FYB1: variants seen among roughly 807,000 people sequenced by gnomAD.
FYB1 encodes FYN binding protein 1.
A neutral mutation model predicts 94.1 loss-of-function variants in FYB1; 41 were observed. The observed-to-expected ratio is 0.44, with a 90% CI of 0.34 to 0.57. The LOEUF (loss-of-function observed/expected upper bound fraction) is 0.57, where lower values mean the gene tolerates loss of function less well. Among genes scored for constraint, FYB1 ranks in the 20% least tolerant of loss-of-function variants. The pLI, the probability that FYB1 is intolerant of heterozygous loss-of-function variation, is 0.02. For missense variants in FYB1, 1,050 were observed against 976.8 expected, an observed-to-expected ratio of 1.07 and a Z score of -1.00; for synonymous variants, 367 against 353.2, an observed-to-expected ratio of 1.04 and a Z score of -0.44.
chr5:39,161,435 C>G (rs1177577413), intron 2 of FYB1, among the ~76,000 whole-genome samples: 1 of 152,248 alleles, frequency 6.6e-6, no homozygotes. Context: ...TCAAAGACAA[C>G]AGTTGTTACT....
chr5:39,194,125 C>A (rs1050909647), intron 2 of FYB1, among the ~76,000 whole-genome samples: 2 of 152,154 alleles, frequency 1.3e-5, no homozygotes, highest in African/African-American at 2.4e-5. Context: ...GGCAGAAAAG[C>A]AAATCATTTT....
At chr5:39,132,895 A>T (rs1741328444) in intron 9 of FYB1, among the ~76,000 whole-genome samples, 1 of 152,214 alleles carries the variant, frequency 6.6e-6, no homozygotes, top group Non-Finnish European at 1.5e-5. Flanking sequence ...TTGGAACTTC[A>T]TCTGGCCTCA....
chr5:39,119,703 G>A lies in FYB1; in HGVS notation c.2139-69C>T. ...ATTAAAAAGAATAGTCCATAACAGA[G>A]ACGATTCATAGCATTATATTTTTAA... is the stretch of plus-strand genomic sequence containing the variant. On this transcript the variant is annotated intron_variant, in intron 14 of 18. Coordinates refer to ENST00000512982, the MANE Select transcript of FYB1 (RefSeq NM_001465.6). 9 of 1,353,434 alleles carry A rather than the reference G, an allele frequency of 6.6e-6. No individual in the cohort carries two copies. The South Asian group carries it at 1.6e-4, about 24-fold the overall frequency. The allele number at this position is 1,353,434 out of a possible 1,614,324, so 83.8% of individuals were successfully genotyped here.
chr5:39,127,571 G>A (rs1740810760), intron 11 of FYB1, among the ~76,000 whole-genome samples, 170 bp downstream of exon 11: 1 of 151,874 alleles, frequency 6.6e-6, no homozygotes, highest in African/African-American at 2.4e-5. Flanking sequence ...TTTGAAGTGT[G>A]GTGAAATTAC....
chr5:39,168,594 TTAATAATTCTAACTA>T (rs1744952729), intron 2 of FYB1, among the ~76,000 whole-genome samples: 1 of 152,218 alleles, frequency 6.6e-6, no homozygotes, highest in African/African-American at 2.4e-5. Flanking sequence ...TATACTTTGC[TTAATAATTCTAACTA>T]TAATATCAAA....
At chr5:39,221,704 A>C (rs1209050809), upstream of FYB1, among the ~76,000 whole-genome samples, 2 of 152,178 alleles carry the variant, frequency 1.3e-5, no homozygotes, top group Non-Finnish European at 2.9e-5. Context: ...CCAAAACAAA[A>C]TAAAATAATC....
At chr5:39,205,271 T>A (rs1381280614) in intron 1 of FYB1, among the ~76,000 whole-genome samples, 1 of 152,206 alleles carries the variant, frequency 6.6e-6, no homozygotes, top group Non-Finnish European at 1.5e-5. Context: ...AGGAACCAGG[T>A]GGCCTGGGTT....
chr5:39,226,398 T>TA lies in FYB1; in HGVS notation c.-27-23412dup, dbSNP rs66997439. On this transcript the variant is annotated intron_variant, in intron 1 of 1. Coordinates refer to the FYB1 transcript ENST00000510188. ...GCCTTTCACTAGCTTTCCAAACCTTTAAAAAAAAAAAAAATCAACTCTTTA... is the reference window on the plus strand; with the variant it reads ...GCCTTTCACTAGCTTTCCAAACCTTTAAAAAAAAAAAAAAATCAACTCTTTA... Among the ~76,000 whole-genome samples, 924 of 151,136 alleles carry TA rather than the reference T, an allele frequency of 6.1e-3. 8 individuals are homozygous for TA. Among genetic ancestry groups the TA allele is most frequent in the African/African-American group, 0.021 (848 of 41,184 alleles).
rs1049716104 is a variant in FYB1, at chr5:39,169,543, C to G, written c.1136-15939G>C. ...GAGTCCATCTGCTGTTTGAGGTGCTCCAGTTGAAAGACCAAGGAGGGCCAG... is the reference window on the plus strand; with the variant it reads ...GAGTCCATCTGCTGTTTGAGGTGCTGCAGTTGAAAGACCAAGGAGGGCCAG... On this transcript the variant is annotated intron_variant, in intron 2 of 18. Coordinates refer to ENST00000512982, the MANE Select transcript of FYB1 (RefSeq NM_001465.6). 1.7e-5 allele frequency: 9 copies of G among 542,864 alleles called. No individual in the cohort carries two copies. In the African/African-American group the frequency reaches 1.7e-4, roughly 10 times the overall value. The allele number at this position is 542,864 out of a possible 1,614,324, so 33.6% of individuals were successfully genotyped here.
intron 2 of FYB1, among the ~76,000 whole-genome samples, chr5:39,175,668 T>A (rs1335506657): frequency 1.3e-5 from 2 of 152,208 alleles, no homozygotes; most frequent in Non-Finnish European, 2.9e-5. Context: ...CTACCCAGTA[T>A]TCTTCCTGGC....
At position 39,107,167 on chromosome 5, in the gene FYB1, T is replaced by C. The variant is rs558037373; in HGVS notation, c.*276A>G. 8.0e-6 allele frequency: 2 copies of C among 249,702 alleles called. No homozygotes were observed. Among genetic ancestry groups the C allele is most frequent in the Non-Finnish European group, 1.5e-5 (2 of 129,604 alleles). The allele number at this position is 249,702 out of a possible 1,614,324, so 15.5% of individuals were successfully genotyped here. On this transcript the variant is annotated 3_prime_UTR_variant, in exon 19 of 19. Coordinates refer to ENST00000512982, the MANE Select transcript of FYB1 (RefSeq NM_001465.6). ...TTATTTACTGGTGGTCTAAAAGAAG[T>C]ACCTTCAACTTCTTCATAATTGTAG...
intron 1 of FYB1, 101 bp from the exon 2 acceptor site, chr5:39,203,088 C>T (rs1748526549): frequency 3.1e-6 from 3 of 969,784 alleles, no homozygotes; most frequent in African/African-American, 3.3e-5. Context: ...AGGCCTGCAG[C>T]GTTGCTGATT....
At chr5:39,137,463 T>C in intron 7 of FYB1, 137 bp downstream of exon 7, 1 of 1,005,626 alleles carries the variant, frequency 9.9e-7, no homozygotes, top group South Asian at 1.8e-5. Flanking sequence ...AAAAGTACTG[T>C]TATGAAGATA....
At chr5:39,242,180 T>A (rs937700271) in intron 1 of FYB1, among the ~76,000 whole-genome samples, 2 of 152,184 alleles carry the variant, frequency 1.3e-5, no homozygotes, top group African/African-American at 4.8e-5. Context: ...AGGGTACATA[T>A]GCACAATGTG....
At chr5:39,183,184 C>T (rs1746418810) in intron 2 of FYB1, among the ~76,000 whole-genome samples, 3 of 152,022 alleles carry the variant, frequency 2.0e-5, no homozygotes, top group Admixed American at 2.0e-4. Flanking sequence ...CGGGGTTTCT[C>T]CATGTTGGTC....
chr5:39,128,904 A>G (rs1431219574), intron 10 of FYB1, among the ~76,000 whole-genome samples: 1 of 152,200 alleles, frequency 6.6e-6, no homozygotes, highest in Non-Finnish European at 1.5e-5. Context: ...CATATTACCC[A>G]AAGCAATTTA....
intron 3 of FYB1, among the ~76,000 whole-genome samples, chr5:39,148,647 A>G (rs1326347259): frequency 6.6e-6 from 1 of 151,916 alleles, no homozygotes; most frequent in South Asian, 2.1e-4. Flanking sequence ...CATTTTAAGC[A>G]TCTCTAATTA....
At chr5:39,136,677 T>A (rs1323625709) in intron 7 of FYB1, among the ~76,000 whole-genome samples, 1 of 152,242 alleles carries the variant, frequency 6.6e-6, no homozygotes, top group Non-Finnish European at 1.5e-5. Context: ...TATGTGCAAC[T>A]GGAATTTGAA....
In FYB1 at chr5:39,119,034, A is replaced by C. The variant is rs745864554; in HGVS notation, c.2241T>G (p.Tyr747Ter). The C allele has an allele frequency of 2.1e-5, 28 of 1,311,608 alleles. No homozygotes were observed. Among genetic ancestry groups the C allele is most frequent in the Non-Finnish European group, 2.9e-5 (28 of 981,288 alleles). The allele number at this position is 1,311,608 out of a possible 1,614,324, so 81.2% of individuals were successfully genotyped here. A position where few individuals can be genotyped will look rare whatever the true frequency, so the allele number is the denominator to read the frequency against. Residue 747 changes from tyrosine (Y) to a stop codon, truncating the protein, a stop_gained and splice_region_variant, in exon 16 of 19, where the codon TAT (tyrosine) becomes TAG (stop). Coordinates refer to ENST00000512982, the MANE Select transcript of FYB1 (RefSeq NM_001465.6). LOFTEE classifies it high-confidence loss of function. ...EEKDFRKKFK[Y>*]DGEIRVLYST... ...AATATAGGACTCTAATTTCACCATC[A>C]TACTAAAAAAAAAAGAACAATATTT...
Sources: allele counts gnomAD v4.1 joint callset (sites outside exome capture counted in the v4.1 genomes callset), GRCh38; gene constraint gnomAD v4.1.1; transcripts MANE v1.5; gene names NCBI Gene and HGNC (gene_info 2026-07-23, HGNC 2026-07-21).